Variants in ERGIC2 observed in about 807,000 individuals in gnomAD.
ERGIC2 encodes the protein endoplasmic reticulum-Golgi intermediate compartment protein 2.
A neutral mutation model predicts 52.5 loss-of-function variants in ERGIC2; 31 were observed. The ratio of observed to expected loss-of-function variants is 0.59; its 90% confidence interval spans 0.44 to 0.80. The LOEUF is 0.80. Among genes scored for constraint, ERGIC2 ranks in the 30% least tolerant of loss-of-function variants. The probability of loss-of-function intolerance (pLI) is 0.00; values close to 1 mark genes in which losing one functional copy is unlikely to be tolerated. For synonymous variants in ERGIC2, 129 were observed against 140.6 expected (o/e 0.92, Z 0.58); for missense variants, 395 against 455.2 (o/e 0.87, Z 1.20).
At chr12:29,350,366 A>G (rs192744342) in intron 8 of ERGIC2, among the ~76,000 whole-genome samples, 295 of 152,228 alleles carry the variant, frequency 1.9e-3, no homozygotes, top group African/African-American at 6.8e-3. Flanking sequence ...AAATTTTCAC[A>G]AACTTTTCAT....
At chr12:29,345,676 G>T (rs772115566) in intron 10 of ERGIC2, 136 bp from the exon 11 acceptor site, 86 of 639,724 alleles carry the variant, frequency 1.3e-4, no homozygotes, top group Non-Finnish European at 2.1e-4. Flanking sequence ...CACTTTGGGA[G>T]GCTGACGAAG....
intron 6 of ERGIC2, 87 bp from the exon 7 acceptor site, chr12:29,357,811 T>A: frequency 1.3e-6 from 1 of 776,164 alleles, no homozygotes; most frequent in Non-Finnish European, 2.2e-6. Flanking sequence ...TTAGCTGACT[T>A]AGTTAAATCA....
intron 1 of ERGIC2, among the ~76,000 whole-genome samples, chr12:29,379,386 T>C (rs1367934595): frequency 1.3e-5 from 2 of 152,060 alleles, no homozygotes; most frequent in African/African-American, 4.8e-5. Context: ...CTTTAGTCAT[T>C]AAAAGAGGAT....
At chr12:29,369,570 T>C (rs1940410608) in intron 3 of ERGIC2, among the ~76,000 whole-genome samples, 1 of 152,012 alleles carries the variant, frequency 6.6e-6, no homozygotes, top group South Asian at 2.1e-4. Context: ...AAATGTGTCT[T>C]CCTATTTGGT....
chr12:29,377,531 A>G (rs3782514), intron 1 of ERGIC2, among the ~76,000 whole-genome samples: 22,280 of 152,218 alleles, frequency 0.15, 2,050 homozygotes, highest in African/African-American at 0.25. Flanking sequence ...AAAAGAAAGA[A>G]GTCTGTAAGT....
chr12:29,354,863 C>G (rs1406922918), intron 8 of ERGIC2, among the ~76,000 whole-genome samples: 3 of 152,162 alleles, frequency 2.0e-5, no homozygotes, highest in Non-Finnish European at 2.9e-5. Context: ...GCAATAAAAT[C>G]TGCTAAATTT....
At chr12:29,369,777 C>A (rs1940413398) in intron 3 of ERGIC2, among the ~76,000 whole-genome samples, 1 of 151,934 alleles carries the variant, frequency 6.6e-6, no homozygotes, top group Non-Finnish European at 1.5e-5. Context: ...CCTTAGACAA[C>A]TTATTTTCCA....
At chr12:29,369,093 C>T (rs924695093) in intron 3 of ERGIC2, among the ~76,000 whole-genome samples, 1 of 151,744 alleles carries the variant, frequency 6.6e-6, no homozygotes, top group Non-Finnish European at 1.5e-5. Context: ...ATTTTTAGAC[C>T]TTCATGAAGT....
rs1253126583 is a variant in ERGIC2, at chr12:29,340,745, T to C, written c.*411A>G. ...TTTTCCACATTTTATTCTGACATCA[T>C]ATCTTTTAAAAACAAAAGGATGCGA... On this transcript the variant is annotated 3_prime_UTR_variant, in exon 14 of 14. Transcript: ENST00000360150. The C allele has an allele frequency of 2.5e-6, 1 of 401,354 alleles. No individual in the cohort carries two copies. The highest frequency in any genetic ancestry group is 4.7e-6 in the Non-Finnish European group (1 of 210,606). The allele number at this position is 401,354 out of a possible 1,614,324, so 24.9% of individuals were successfully genotyped here. A position where few individuals can be genotyped will look rare whatever the true frequency, so the allele number is the denominator to read the frequency against.
intron 6 of ERGIC2, among the ~76,000 whole-genome samples, chr12:29,357,963 G>T (rs750024881): frequency 6.6e-6 from 1 of 152,170 alleles, no homozygotes; most frequent in Non-Finnish European, 1.5e-5. Context: ...ATCAGTAATG[G>T]ATGTGCCATC....
At chr12:29,369,107 A>G (rs1469543977) in intron 3 of ERGIC2, among the ~76,000 whole-genome samples, 2 of 151,936 alleles carry the variant, frequency 1.3e-5, no homozygotes, top group Non-Finnish European at 2.9e-5. Context: ...ATGAAGTCTT[A>G]AAGTCATCTA....
At chr12:29,346,019 T>A (rs533830227) in intron 10 of ERGIC2, among the ~76,000 whole-genome samples, 10 of 151,848 alleles carry the variant, frequency 6.6e-5, no homozygotes, top group Middle Eastern at 3.4e-3. Context: ...ACAAAAAAAA[T>A]TTTTAAAAGA....
chr12:29,345,940 C>T (rs1355804409), intron 10 of ERGIC2, among the ~76,000 whole-genome samples: 1 of 151,998 alleles, frequency 6.6e-6, no homozygotes, highest in African/African-American at 2.4e-5. Flanking sequence ...GAGCAAGAAC[C>T]TGTCTCAAAC....
chr12:29,376,310 C>G (rs1423802908), intron 1 of ERGIC2, among the ~76,000 whole-genome samples: 1 of 152,150 alleles, frequency 6.6e-6, no homozygotes, highest in Admixed American at 6.6e-5. Context: ...CACTGATTCT[C>G]ACTTCCGTAC....
intron 8 of ERGIC2, 145 bp from the exon 9 acceptor site, chr12:29,350,213 C>G: frequency 1.8e-6 from 1 of 552,006 alleles, no homozygotes; most frequent in South Asian, 2.8e-5. Flanking sequence ...ACTGAGCAGA[C>G]AAGTCTACTC....
intron 1 of ERGIC2, among the ~76,000 whole-genome samples, chr12:29,375,683 A>G (rs1940505039): frequency 6.6e-6 from 1 of 152,158 alleles, no homozygotes; most frequent in African/African-American, 2.4e-5. Flanking sequence ...TAGTTTTACA[A>G]ATCTCCTAAT....
At chr12:29,359,531 C>T (rs1940254773) in intron 6 of ERGIC2, among the ~76,000 whole-genome samples, 1 of 151,970 alleles carries the variant, frequency 6.6e-6, no homozygotes, top group African/African-American at 2.4e-5. Context: ...AATACAATCT[C>T]TTCTCCCACT....
At position 29,371,575 on chromosome 12, in the gene ERGIC2, G is replaced by C. The variant is rs750899125; in HGVS notation, c.59C>G (p.Pro20Arg). The change falls in exon 2 of 14, where the codon CCG (proline) becomes CGG (arginine). Residue 20 changes from proline to arginine, a missense_variant. Transcript: ENST00000360150. ...LSLVKELDAF[P>R]KVPESYVETS... ...CTCTACATAGCTCTCAGGAACCTTC[G>C]GAAAGGCATCCAACTCTTTTACCAA... is the stretch of plus-strand genomic sequence containing the variant. 1 of 1,613,224 alleles carries C rather than the reference G, an allele frequency of 6.2e-7. No homozygotes were observed. Among genetic ancestry groups the C allele is most frequent in the Non-Finnish European group, 8.5e-7 (1 of 1,179,626 alleles).
At chr12:29,372,211 C>T (rs1308838735) in intron 1 of ERGIC2, among the ~76,000 whole-genome samples, 1 of 151,930 alleles carries the variant, frequency 6.6e-6, no homozygotes, top group Admixed American at 6.6e-5. Context: ...GGTGTGGTGG[C>T]ACGTGCCTGT....
Sources: gnomAD v4.1 joint callset for allele counts (sites outside exome capture counted in the v4.1 genomes callset) on GRCh38, gnomAD v4.1.1 for gene constraint, MANE v1.5 for transcripts, NCBI Gene and HGNC (gene_info 2026-07-23, HGNC 2026-07-21) for gene names.